The following CHN2 variants were observed in gnomAD, a reference collection of about 807,000 sequenced individuals.
CHN2 encodes the protein beta-chimaerin.
Under a neutral mutation model 56.3 loss-of-function variants are expected in CHN2, and 35 were observed. The ratio of observed to expected loss-of-function variants is 0.62; its 90% confidence interval spans 0.47 to 0.82. CHN2 has a LOEUF of 0.82. CHN2 is among the 40% of genes least tolerant of loss of function. CHN2 has a pLI of 0.00. For synonymous variants in CHN2, 210 were observed against 212.8 expected (o/e 0.99, Z 0.12); for missense variants, 491 against 580.5 (o/e 0.85, Z 1.58).
chr7:29,165,053 T>C (rs2128716754), intron 2 of CHN2, among the ~76,000 whole-genome samples: 1 of 152,050 alleles, frequency 6.6e-6, no homozygotes, highest in South Asian at 2.1e-4. Flanking sequence ...TGAACTTCCA[T>C]ATAAATTTTA....
At chr7:29,321,848 C>G (rs749444058) in intron 1 of CHN2, among the ~76,000 whole-genome samples, 3 of 152,092 alleles carry the variant, frequency 2.0e-5, no homozygotes, top group Non-Finnish European at 4.4e-5. Context: ...GGGATACAGG[C>G]GTGAGCCACC....
chr7:29,460,396 G>A (rs1173709674), intron 6 of CHN2, among the ~76,000 whole-genome samples: 1 of 152,188 alleles, frequency 6.6e-6, no homozygotes, highest in East Asian at 1.9e-4. Context: ...CTGGATTCGT[G>A]CCTCCCTATG....
chr7:29,410,669 G>A (rs1803122834), intron 6 of CHN2, among the ~76,000 whole-genome samples: 1 of 151,972 alleles, frequency 6.6e-6, no homozygotes, highest in Admixed American at 6.6e-5. Flanking sequence ...AGGGGAGTTT[G>A]TCTTTTTTTG....
At chr7:29,432,935 G>A (rs1347767219) in intron 6 of CHN2, among the ~76,000 whole-genome samples, 3 of 152,302 alleles carry the variant, frequency 2.0e-5, no homozygotes, top group South Asian at 4.1e-4. Flanking sequence ...TGTAGCTCCG[G>A]CATTCTTCTG....
intron 1 of CHN2, among the ~76,000 whole-genome samples, chr7:29,334,858 A>G (rs1178362097): frequency 1.3e-5 from 2 of 152,214 alleles, no homozygotes; most frequent in Non-Finnish European, 2.9e-5. Flanking sequence ...TGGAGTGGGA[A>G]GGTCAAATGC....
At chr7:29,444,214 T>TA (rs1309829854) in intron 6 of CHN2, among the ~76,000 whole-genome samples, 12 of 152,238 alleles carry the variant, frequency 7.9e-5, no homozygotes, top group Admixed American at 3.9e-4. Flanking sequence ...TATTTCAGAA[T>TA]AAAAAATTCT....
At chr7:29,489,024 C>T (rs1457955434) in intron 7 of CHN2, among the ~76,000 whole-genome samples, 3 of 152,180 alleles carry the variant, frequency 2.0e-5, no homozygotes, top group African/African-American at 7.2e-5. Flanking sequence ...CCCATCAAAA[C>T]ATATCTGGTA....
At chr7:29,371,992 C>T (rs1562555145) in intron 3 of CHN2, among the ~76,000 whole-genome samples, 1 of 152,080 alleles carries the variant, frequency 6.6e-6, no homozygotes, top group Non-Finnish European at 1.5e-5. Context: ...CATATACACA[C>T]ACACATACAC....
intron 6 of CHN2, among the ~76,000 whole-genome samples, chr7:29,452,674 C>T (rs1288918866): frequency 6.6e-6 from 1 of 152,240 alleles, no homozygotes; most frequent in Non-Finnish European, 1.5e-5. Flanking sequence ...TTTCCCCATT[C>T]TCTGCAAGAC....
Position 29,354,944 on chromosome 7 carries a change from A to T in CHN2, c.88+281A>T, listed in dbSNP as rs757219016. 1.2e-4 allele frequency among the ~76,000 whole-genome samples: 11 copies of T among 89,032 alleles called. No individual in the cohort carries two copies. The South Asian group carries it at 3.2e-3, about 26-fold the overall frequency. The allele number at this position is 89,032 out of a possible 152,430, so 58.4% of individuals were successfully genotyped here. ...CCTTTCAGTTTGGGGCTTTATTTTT[A>T]TTTATTTATTTATTTATTTATTTAT... On this transcript the variant is annotated intron_variant, in intron 2 of 12. Coordinates refer to ENST00000222792, the MANE Select transcript of CHN2 (RefSeq NM_004067.4).
intron 1 of CHN2, among the ~76,000 whole-genome samples, chr7:29,272,220 A>G (rs1270197311): frequency 6.6e-6 from 1 of 152,132 alleles, no homozygotes; most frequent in Non-Finnish European, 1.5e-5. Flanking sequence ...GGCTCAGGAT[A>G]GCATCTCACT....
chr7:29,192,761 T>G (rs1415852626), upstream of CHN2: 1 of 152,158 alleles, frequency 6.6e-6, no homozygotes, highest in African/African-American at 2.4e-5. Context: ...AGTAATTTGC[T>G]CAAGTTCGCA....
chr7:29,396,069 A>G (rs1234144897), intron 4 of CHN2, among the ~76,000 whole-genome samples: 7 of 152,220 alleles, frequency 4.6e-5, no homozygotes, highest in Non-Finnish European at 1.0e-4. Flanking sequence ...AAATATGTAC[A>G]ATAATTATAT....
intron 6 of CHN2, among the ~76,000 whole-genome samples, chr7:29,435,123 A>G (rs1384927403): frequency 6.6e-6 from 1 of 152,176 alleles, no homozygotes; most frequent in African/African-American, 2.4e-5. Context: ...AAACAAACAA[A>G]AAAACCAACC....
intron 3 of CHN2, among the ~76,000 whole-genome samples, chr7:29,384,717 C>CT (rs1320806539): frequency 6.6e-6 from 1 of 152,076 alleles, no homozygotes. Context: ...GATATTAATA[C>CT]TTATTGTGTG....
intron 6 of CHN2, among the ~76,000 whole-genome samples, chr7:29,463,064 T>C (rs917481943): frequency 6.6e-6 from 1 of 152,006 alleles, no homozygotes. Flanking sequence ...TTTTAGAAAC[T>C]GAGCCCTAGA....
intron 7 of CHN2, among the ~76,000 whole-genome samples, chr7:29,491,191 T>C (rs2128560252): frequency 6.6e-6 from 1 of 152,292 alleles, no homozygotes; most frequent in Admixed American, 6.5e-5. Context: ...CTTTCTTTCT[T>C]ACATTTCTCT....
intron 1 of CHN2, among the ~76,000 whole-genome samples, chr7:29,340,738 T>C (rs1291470721): frequency 6.6e-6 from 1 of 151,628 alleles, no homozygotes; most frequent in Non-Finnish European, 1.5e-5. Context: ...AGGCCAGGAG[T>C]GTGTTTTGGC....
intron 1 of CHN2, among the ~76,000 whole-genome samples, chr7:29,250,531 A>G (rs1038372026): frequency 2.0e-5 from 3 of 152,202 alleles, no homozygotes; most frequent in African/African-American, 7.2e-5. Flanking sequence ...ACTTTCATGA[A>G]TTATAACATG....
Sources: allele counts gnomAD v4.1 joint callset (sites outside exome capture counted in the v4.1 genomes callset), GRCh38; gene constraint gnomAD v4.1.1; transcripts MANE v1.5; gene names NCBI Gene and HGNC (gene_info 2026-07-23, HGNC 2026-07-21).